Variants in KLHL29 observed in about 807,000 individuals in gnomAD.
KLHL29 encodes kelch-like protein 29.
A neutral mutation model predicts 80.4 loss-of-function variants in KLHL29; 21 were observed. The ratio of observed to expected loss-of-function variants is 0.26; its 90% CI spans 0.19 to 0.38. KLHL29 has a LOEUF of 0.38. KLHL29 is among the 10% of genes least tolerant of loss of function. KLHL29 has a pLI of 1.00. For missense variants in KLHL29, 867 were observed against 1,223.9 expected (o/e 0.71, Z 4.35); for synonymous variants, 511 against 526.8 (o/e 0.97, Z 0.41).
At chr2:23,531,513 C>T (rs538039393) in intron 2 of KLHL29, among the ~76,000 whole-genome samples, 5 of 152,326 alleles carry the variant, frequency 3.3e-5, no homozygotes, top group East Asian at 1.9e-4. Flanking sequence ...GCCGCCAGGA[C>T]GGAGCTGCTT....
chr2:23,692,383 C>T (rs1050086843), intron 7 of KLHL29, among the ~76,000 whole-genome samples: 1 of 152,224 alleles, frequency 6.6e-6, no homozygotes, highest in Non-Finnish European at 1.5e-5. Context: ...CCGGGGGGGT[C>T]GCTGACCCGA....
At chr2:23,588,692 A>T (rs939411946) in intron 3 of KLHL29, among the ~76,000 whole-genome samples, 1 of 152,120 alleles carries the variant, frequency 6.6e-6, no homozygotes, top group African/African-American at 2.4e-5. Flanking sequence ...CATTTTTAAC[A>T]ATCTCCCTCG....
intron 2 of KLHL29, among the ~76,000 whole-genome samples, chr2:23,531,571 T>G (rs1203395819): frequency 6.6e-6 from 1 of 152,154 alleles, no homozygotes; most frequent in African/African-American, 2.4e-5. Flanking sequence ...GCCAGTAATA[T>G]CTATTCCGGA....
Position 23,648,962 on chromosome 2 carries a change from G to C in KLHL29, c.940+6112G>C, listed in dbSNP as rs368506013. 4.1e-4 allele frequency among the ~76,000 whole-genome samples: 63 copies of C among 152,360 alleles called. 1 individual carries two copies. The highest frequency in any genetic ancestry group is 1.5e-3 in the African/African-American group (62 of 41,580). On this transcript the variant is annotated intron_variant, in intron 5 of 13. Transcript: ENST00000486442. ...TGGAGGTAATAGTGCCATCCTCACA[G>C]ACATGCTTTGAGGATTAAATAATGT... is the stretch of plus-strand genomic sequence containing the variant.
At chr2:23,556,701 C>T (rs867048732) in intron 2 of KLHL29, among the ~76,000 whole-genome samples, 10 of 151,996 alleles carry the variant, frequency 6.6e-5, no homozygotes, top group Non-Finnish European at 1.2e-4. Flanking sequence ...CCTCCCCTCC[C>T]GTCTCCTGGC....
At chr2:23,465,704 A>G (rs1206657513) in intron 1 of KLHL29, among the ~76,000 whole-genome samples, 1 of 152,150 alleles carries the variant, frequency 6.6e-6, no homozygotes, top group African/African-American at 2.4e-5. Flanking sequence ...CCCCTTTAGG[A>G]GGAGCCCAAA....
chr2:23,392,954 C>A (rs939887673), intron 1 of KLHL29, among the ~76,000 whole-genome samples: 2 of 152,194 alleles, frequency 1.3e-5, no homozygotes, highest in Admixed American at 1.3e-4. Context: ...CACCTGCTTC[C>A]ATTTACTGTG....
At chr2:23,399,512 T>C (rs926954303) in intron 1 of KLHL29, among the ~76,000 whole-genome samples, 1 of 152,248 alleles carries the variant, frequency 6.6e-6, no homozygotes, top group Non-Finnish European at 1.5e-5. Context: ...TTAGCAACTC[T>C]TCTAGGGCAC....
chr2:23,574,856 C>T (rs1298791049), intron 3 of KLHL29, among the ~76,000 whole-genome samples: 2 of 152,104 alleles, frequency 1.3e-5, no homozygotes, highest in African/African-American at 4.8e-5. Flanking sequence ...ATGGGGGTGT[C>T]GGTCACAGGG....
At chr2:23,429,281 G>A (rs1437701138) in intron 1 of KLHL29, among the ~76,000 whole-genome samples, 3 of 152,204 alleles carry the variant, frequency 2.0e-5, no homozygotes, top group East Asian at 3.8e-4. Flanking sequence ...GGTTGCTGGC[G>A]CTGGGGCCTT....
chr2:23,446,382 T>C (rs1292321209), intron 1 of KLHL29, among the ~76,000 whole-genome samples: 2 of 152,184 alleles, frequency 1.3e-5, no homozygotes, highest in African/African-American at 4.8e-5. Flanking sequence ...CCAAGGTTCT[T>C]GAAGTTCATC....
rs934963320 is a variant in KLHL29, at chr2:23,695,375, A to G, written c.1543-248A>G. Among the ~76,000 whole-genome samples, 2 of 151,354 alleles carry G rather than the reference A, an allele frequency of 1.3e-5. No individual in the cohort carries two copies. Among genetic ancestry groups the G allele is most frequent in the Admixed American group, 1.3e-4 (2 of 15,214 alleles). On this transcript the variant is annotated intron_variant, in intron 8 of 13. Transcript: ENST00000486442. The surrounding 1 kb of genome is among the most constrained non-coding windows in gnomAD (Gnocchi z 7.6). The stretch of plus-strand genomic sequence containing the variant: ...GCTGGGGGGATGAACACATGCTCCC[A>G]CTCCTGCAGGGCTGGCTGCAGCCTG...
chr2:23,421,794 G>A (rs746191354), intron 1 of KLHL29, among the ~76,000 whole-genome samples: 4 of 151,606 alleles, frequency 2.6e-5, no homozygotes, highest in South Asian at 2.1e-4. Context: ...TCATACATCT[G>A]TGTGTGTGTC....
chr2:23,609,105 C>A (rs1159306708), intron 3 of KLHL29, among the ~76,000 whole-genome samples: 1 of 152,146 alleles, frequency 6.6e-6, no homozygotes, highest in Non-Finnish European at 1.5e-5. Context: ...GTCATTTAGT[C>A]ACTCATTCAT....
chr2:23,509,020 C>A (rs1284147428), intron 2 of KLHL29, among the ~76,000 whole-genome samples: 1 of 152,150 alleles, frequency 6.6e-6, no homozygotes, highest in African/African-American at 2.4e-5. Context: ...ACCTATGTAC[C>A]TCCGTCATGA....
chr2:23,438,421 C>T (rs1663408279), intron 1 of KLHL29, among the ~76,000 whole-genome samples: 1 of 126,688 alleles, frequency 7.9e-6, no homozygotes, highest in East Asian at 2.3e-4. Context: ...AGTTTTTGCC[C>T]ATTCGGTATG....
chr2:23,421,379 G>A (rs1173355644), intron 1 of KLHL29, among the ~76,000 whole-genome samples: 2 of 152,218 alleles, frequency 1.3e-5, no homozygotes, highest in Non-Finnish European at 2.9e-5. Flanking sequence ...TCCCTACAGA[G>A]CACAGGGAAG....
intron 6 of KLHL29, among the ~76,000 whole-genome samples, chr2:23,687,032 T>C (rs578101947): frequency 2.0e-4 from 31 of 152,228 alleles, no homozygotes; most frequent in African/African-American, 6.7e-4. Context: ...GAAGCTGATG[T>C]AACCATGTCT....
intron 5 of KLHL29, among the ~76,000 whole-genome samples, chr2:23,674,028 C>T (rs1419972864): frequency 3.3e-5 from 5 of 152,198 alleles, no homozygotes; most frequent in African/African-American, 4.8e-5. Flanking sequence ...CCAGCTGGGG[C>T]GCTCCTGCTC....
Sources: gnomAD v4.1 joint callset for allele counts (sites outside exome capture counted in the v4.1 genomes callset) on GRCh38, gnomAD v4.1.1 for gene constraint, Gnocchi (gnomAD v3.1) non-coding constraint, MANE v1.5 for transcripts, NCBI Gene and HGNC (gene_info 2026-07-23, HGNC 2026-07-21) for gene names.